Variants in MDM1 observed in about 807,000 individuals in gnomAD.
MDM1 encodes the protein stabilizer of axonemal microtubules 6.
A neutral mutation model predicts 89.1 loss-of-function variants in MDM1; 61 were observed. That is an observed-to-expected ratio of 0.68 (90% confidence interval 0.56 to 0.85). The LOEUF (loss-of-function observed/expected upper bound fraction) is 0.85, where lower values mean the gene tolerates loss of function less well. MDM1 is among the 40% of genes least tolerant of loss of function. The probability of loss-of-function intolerance (pLI) is 0.00; values close to 1 mark genes in which losing one functional copy is unlikely to be tolerated. For missense variants in MDM1, 820 were observed against 846.5 expected (o/e 0.97, Z 0.39); for synonymous variants, 290 against 294.1 (o/e 0.99, Z 0.14).
At chr12:68,314,883 G>T in intron 10 of MDM1, 65 bp downstream of exon 10, 1 of 1,332,610 alleles carries the variant, frequency 7.5e-7, no homozygotes, top group Non-Finnish European at 1.0e-6. Context: ...ACTATATTTA[G>T]TGACAAAATA....
At position 68,321,376 on chromosome 12, in the gene MDM1, T is replaced by G. The variant is rs746285675; in HGVS notation, c.976A>C (p.Thr326Pro). Residue 326 changes from threonine (T) to proline (P), a missense_variant, in exon 7 of 15, where the codon ACA becomes CCA. Transcript: ENST00000682720. ...AQYLYKAGAWTHVKGNMPNQG... is the reference protein window; with the variant it reads ...AQYLYKAGAWPHVKGNMPNQG... Reference sequence around the variant, plus strand: ...TTTGGCATGTTTCCCTTTACATGTGTCCAAGCCCCAGCTTTATATAAATAC... The same window carrying G: ...TTTGGCATGTTTCCCTTTACATGTGGCCAAGCCCCAGCTTTATATAAATAC... The G allele has an allele frequency of 2.5e-6, 4 of 1,613,862 alleles. No homozygotes were observed. The highest frequency in any genetic ancestry group is 3.4e-6 in the Non-Finnish European group (4 of 1,179,890).
rs1398131148 is a variant in MDM1 at position 68,332,262 on chromosome 12, G to T, written c.-17C>A. On this transcript the variant is annotated 5_prime_UTR_variant, in exon 1 of 15. Transcript: ENST00000682720. Reference sequence around the variant, plus strand: ...CACCGGCATGTCGCCCGGCGCCGGAGCCCCCGCTACTCCGACAGTTAACTG... The same window carrying T: ...CACCGGCATGTCGCCCGGCGCCGGATCCCCCGCTACTCCGACAGTTAACTG... 1.9e-6 allele frequency: 3 copies of T among 1,581,428 alleles called. No homozygotes were observed. Among genetic ancestry groups the T allele is most frequent in the Non-Finnish European group, 8.6e-7 (1 of 1,164,754 alleles).
chr12:68,327,322 C>G (rs1281399199), intron 2 of MDM1: 3 of 1,468,258 alleles, frequency 2.0e-6, no homozygotes, highest in Non-Finnish European at 2.7e-6. Context: ...CGTGATAGAC[C>G]TGGCAGGCCA....
At chr12:68,308,985 C>T (rs1249903979) in intron 12 of MDM1, among the ~76,000 whole-genome samples, 1 of 152,176 alleles carries the variant, frequency 6.6e-6, no homozygotes, top group African/African-American at 2.4e-5. Flanking sequence ...TCCAAGCTAC[C>T]AACACCTCCT....
intron 4 of MDM1, among the ~76,000 whole-genome samples, chr12:68,324,607 C>T (rs1219586868): frequency 1.3e-5 from 2 of 152,040 alleles, no homozygotes; most frequent in Non-Finnish European, 2.9e-5. Flanking sequence ...TACGGCTATA[C>T]AAAATATACA....
chr12:68,302,985 A>ACACACTC, intron 12 of MDM1, 113 bp from the exon 13 acceptor site: 1 of 966,806 alleles, frequency 1.0e-6, no homozygotes, highest in Non-Finnish European at 1.5e-6. Context: ...GAGAAATATG[A>ACACACTC]GAGAATTTAT....
At position 68,326,661 on chromosome 12, in the gene MDM1, T is replaced by A; in HGVS notation, c.494A>T (p.Asn165Ile). Reference protein sequence around the residue: ...STKVLSENVDNGLDRLLRKKA... With the variant: ...STKVLSENVDIGLDRLLRKKA... ...AAATGCAGTGAATATGCCTACCCCA[T>A]TATCTACATTTTCTGAAAGAACCTT... The change falls in exon 3 of 15, where the codon AAT becomes ATT. Residue 165 changes from asparagine (N) to isoleucine (I), a missense_variant. Physicochemically the swap from Asn to Ile is moderately radical, Grantham distance 149 (BLOSUM62 -3). Coordinates refer to ENST00000682720, the MANE Select transcript of MDM1 (RefSeq NM_001354969.2). 6.2e-7 allele frequency: 1 copy of A among 1,614,174 alleles called. No individual in the cohort carries two copies. The highest frequency in any genetic ancestry group is 1.1e-5 in the South Asian group (1 of 91,082).
intron 12 of MDM1, among the ~76,000 whole-genome samples, chr12:68,311,444 C>T (rs1264540823): frequency 6.6e-6 from 1 of 152,172 alleles, no homozygotes; most frequent in Non-Finnish European, 1.5e-5. Flanking sequence ...CACATGTCAC[C>T]AAGAAGCAAT....
chr12:68,305,115 T>C (rs1010035562), intron 12 of MDM1, among the ~76,000 whole-genome samples: 19 of 152,158 alleles, frequency 1.2e-4, no homozygotes, highest in African/African-American at 4.3e-4. Context: ...ATCCTTTCTC[T>C]TTGATTTTGG....
chr12:68,305,375 C>T (rs1041560297), intron 12 of MDM1, among the ~76,000 whole-genome samples: 3 of 152,080 alleles, frequency 2.0e-5, no homozygotes, highest in African/African-American at 7.2e-5. Flanking sequence ...CCACTCTCAC[C>T]ACCTCTATTC....
chr12:68,310,975 C>A (rs377108186), intron 12 of MDM1, among the ~76,000 whole-genome samples: 21 of 152,110 alleles, frequency 1.4e-4, no homozygotes, highest in East Asian at 1.2e-3. Flanking sequence ...AAACTAATCC[C>A]CACAGGTGCC....
At chr12:68,330,926 C>A in intron 2 of MDM1, 181 bp downstream of exon 2, 1 of 582,118 alleles carries the variant, frequency 1.7e-6, no homozygotes, top group Non-Finnish European at 3.1e-6. Context: ...ATAGTCCTGG[C>A]TCATAGTAAA....
chr12:68,307,960 A>G (rs1873138616), intron 12 of MDM1, among the ~76,000 whole-genome samples: 1 of 150,554 alleles, frequency 6.6e-6, no homozygotes, highest in Non-Finnish European at 1.5e-5. Context: ...AAGTGAATAT[A>G]AAATTAAATT....
intron 2 of MDM1, among the ~76,000 whole-genome samples, chr12:68,328,745 T>G (rs1048474936): frequency 1.3e-5 from 2 of 152,148 alleles, no homozygotes; most frequent in African/African-American, 4.8e-5. Context: ...GGTCTGCCGC[T>G]GTCTCCCAGC....
In MDM1 at chr12:68,302,662, G is replaced by A. The variant is rs1468240503; in HGVS notation, c.1960C>T (p.Arg654Ter). 14 of 1,613,600 alleles carry A rather than the reference G, an allele frequency of 8.7e-6. No individual in the cohort carries two copies. The highest frequency in any genetic ancestry group is 7.7e-5 in the South Asian group (7 of 91,068). Residue 654 changes from arginine (R) to a stop codon, truncating the protein, a stop_gained, in exon 13 of 15, where the codon CGA becomes TGA. Coordinates refer to ENST00000682720, the MANE Select transcript of MDM1 (RefSeq NM_001354969.2). LOFTEE classifies it high-confidence loss of function. ...GGATCTCTAAGAGAGCCCTGAATTC[G>A]TCGAGAGGGATGCCAGTAGGATGGA... ...HVPSYWHPSRRIQGSLRDPEF... is the reference protein window; with the variant it reads ...HVPSYWHPSR
chr12:68,320,583 T>C (rs1875088745), intron 7 of MDM1, among the ~76,000 whole-genome samples: 1 of 152,190 alleles, frequency 6.6e-6, no homozygotes, highest in Non-Finnish European at 1.5e-5. Flanking sequence ...TGGTTTTAAG[T>C]AATGAGCTAA....
chr12:68,332,314 G>C lies in MDM1; in HGVS notation c.-69C>G. 1 of 1,498,040 alleles carries C rather than the reference G, an allele frequency of 6.7e-7. No individual in the cohort carries two copies. Among genetic ancestry groups the C allele is most frequent in the Non-Finnish European group, 8.9e-7 (1 of 1,119,474 alleles). The allele number at this position is 1,498,040 out of a possible 1,614,324, so 92.8% of individuals were successfully genotyped here. ...AGAAAAAGCTCCGAGGGGGCGGGGC[G>C]ATAACAGTGTTCCCTAGCAAAGCCT... On this transcript the variant is annotated 5_prime_UTR_variant, in exon 1 of 15. It adds an upstream start codon to the 5' untranslated region. Coordinates refer to ENST00000682720, the MANE Select transcript of MDM1 (RefSeq NM_001354969.2).
At chr12:68,325,380 T>C in intron 4 of MDM1, 61 bp downstream of exon 4, 1 of 1,416,850 alleles carries the variant, frequency 7.1e-7, no homozygotes. Flanking sequence ...TAATTCTATG[T>C]AAATCTACAT....
Position 68,331,126 on chromosome 12 carries a change from T to C in MDM1, c.114A>G (p.Gly38=), listed in dbSNP as rs1876740750. 6.2e-7 allele frequency: 1 copy of C among 1,602,560 alleles called. No individual in the cohort carries two copies. The highest frequency in any genetic ancestry group is 1.3e-5 in the African/African-American group (1 of 74,602). ...ACTTACCTAATTGATCTGATCTAAG[T>C]CCAGCCCATGGGTACTTTCGCCCCA... ...SSVGRKYPWA[G]LRSDQLGITK... Residue 38 remains glycine, a synonymous_variant, in exon 2 of 15, where the codon GGA becomes GGG. Transcript: ENST00000682720.
Sources: gnomAD v4.1 joint callset for allele counts (sites outside exome capture counted in the v4.1 genomes callset) on GRCh38, gnomAD v4.1.1 for gene constraint, MANE v1.5 for transcripts, NCBI Gene and HGNC (gene_info 2026-07-23, HGNC 2026-07-21) for gene names.